GOLGA3: variants seen among roughly 807,000 people sequenced by gnomAD.
The protein encoded by GOLGA3 is golgin A3.
Under a neutral mutation model 169.4 loss-of-function variants are expected in GOLGA3, and 75 were observed. The ratio of observed to expected loss-of-function variants is 0.44; its 90% CI spans 0.37 to 0.54. GOLGA3 has a LOEUF of 0.54. GOLGA3 is among the 20% of genes least tolerant of loss of function. GOLGA3 has a pLI of 0.00. For synonymous variants in GOLGA3, 824 were observed against 822.4 expected, an observed-to-expected ratio of 1.00 and a Z score of -0.03; for missense variants, 1,899 against 1,930.0, an observed-to-expected ratio of 0.98 and a Z score of 0.30.
intron 7 of GOLGA3, among the ~76,000 whole-genome samples, chr12:132,803,346 A>G (rs1327986243): frequency 2.0e-5 from 3 of 152,194 alleles, no homozygotes; most frequent in African/African-American, 4.8e-5. Flanking sequence ...CACTTAGGAA[A>G]TCTGTGAAAA....
chr12:132,790,102 T>C (rs970157649), intron 12 of GOLGA3, among the ~76,000 whole-genome samples: 18 of 151,486 alleles, frequency 1.2e-4, no homozygotes, highest in Non-Finnish European at 1.0e-4. Flanking sequence ...GAGGCCAAGG[T>C]GGGCGGATCA....
intron 7 of GOLGA3, among the ~76,000 whole-genome samples, chr12:132,802,718 T>C (rs1323645205): frequency 2.0e-5 from 3 of 152,020 alleles, no homozygotes; most frequent in African/African-American, 4.8e-5. Flanking sequence ...ATGAAGTACA[T>C]CTTCTCCATG....
Position 132,804,583 on chromosome 12 carries a change from G to C in GOLGA3, c.1597+133C>G, listed in dbSNP as rs1949294875. Reference sequence around the variant, plus strand: ...AGGAAGGAGGGAGCAGCGGGGACCAGTCGAGGAAGGAGGAGGGAGCAGCAA... The same window carrying C: ...AGGAAGGAGGGAGCAGCGGGGACCACTCGAGGAAGGAGGAGGGAGCAGCAA... On this transcript the variant is annotated intron_variant, in intron 7 of 23. Transcript: ENST00000450791. The surrounding 1 kb of genome is among the most constrained non-coding windows in gnomAD (Gnocchi z 4.1). 2.8e-6 allele frequency: 2 copies of C among 725,248 alleles called. No homozygotes were observed. Among genetic ancestry groups the C allele is most frequent in the African/African-American group, 3.5e-5 (2 of 57,146 alleles). 44.9% of individuals were successfully genotyped at this position (725,248 alleles called of 1,614,324 possible).
rs374698282 is a variant in GOLGA3, at chr12:132,804,813, C to T, written c.1500G>A (p.Ser500=). 3.2e-5 allele frequency: 51 copies of T among 1,614,082 alleles called. No homozygotes were observed. The highest frequency in any genetic ancestry group is 8.3e-5 in the Admixed American group (5 of 60,002). The change falls in exon 7 of 24, where the codon TCG becomes TCA. Residue 500 remains serine (S), a synonymous_variant. Coordinates refer to ENST00000450791, the MANE Select transcript of GOLGA3 (RefSeq NM_001389683.1). This position sits in a 1 kb window ranked among gnomAD's most constrained non-coding sequence, Gnocchi z 4.1. The stretch of plus-strand genomic sequence containing the variant: ...CGGCCACCTGCAAGTCGTTGTTGGA[C>T]GACGCCAGGCTGGCATTTTTTGCCT... ...MLEAKNASLA[S]SNNDLQVAEE...
rs1426304480 is a variant in GOLGA3, at chr12:132,776,836, G to C, written c.3856-80C>G. On this transcript the variant is annotated intron_variant, in intron 20 of 23. Transcript: ENST00000450791. ...TGGAAAATGGCTCTAGCTGTGTTTT[G>C]GTTTATCTTTTAATACCATATTCAG... 1.9e-6 allele frequency: 3 copies of C among 1,570,972 alleles called. No individual in the cohort carries two copies. The African/African-American group carries it at 4.1e-5, about 21-fold the overall frequency.
At chr12:132,774,446 C>A in intron 22 of GOLGA3, 126 bp from the exon 23 acceptor site, 1 of 1,060,984 alleles carries the variant, frequency 9.4e-7, no homozygotes, top group Non-Finnish European at 1.4e-6. Context: ...AGGGGACCGT[C>A]CTGGCCGCCG....
At chr12:132,806,983 T>C (rs1182016461) in intron 6 of GOLGA3, among the ~76,000 whole-genome samples, 194 bp downstream of exon 6, 1 of 151,788 alleles carries the variant, frequency 6.6e-6, no homozygotes, top group Non-Finnish European at 1.5e-5. Flanking sequence ...CCATGCACGA[T>C]GAGGCAGAAA....
At chr12:132,780,013 G>A (rs541963745) in intron 18 of GOLGA3, among the ~76,000 whole-genome samples, 39 of 129,938 alleles carry the variant, frequency 3.0e-4, no homozygotes, top group African/African-American at 8.8e-4. Flanking sequence ...ACACACGTGC[G>A]CACACACACC....
intron 2 of GOLGA3, among the ~76,000 whole-genome samples, chr12:132,819,304 T>C (rs1358478858): frequency 8.0e-5 from 12 of 149,864 alleles, no homozygotes; most frequent in Admixed American, 7.3e-4. Flanking sequence ...CTGAGGCAGG[T>C]GGATCACGAG....
rs1593413290 is a variant in GOLGA3, at chr12:132,825,671, G to C, written c.-184+3132C>G. The C allele has an allele frequency of 3.2e-6, 3 of 939,548 alleles. No individual in the cohort carries two copies. In the East Asian group the frequency reaches 7.2e-5, roughly 22 times the overall value. The allele number at this position is 939,548 out of a possible 1,614,324, so 58.2% of individuals were successfully genotyped here. ...AGGGAGTCCAGGGAGTTAGAAACTG[G>C]AAGAGCACCTTTTTTCAGTGGCCGG... On this transcript the variant is annotated intron_variant, in intron 1 of 23. Transcript: ENST00000450791.
At chr12:132,791,428 A>T (rs2046226233) in intron 11 of GOLGA3, 135 bp from the exon 12 acceptor site, 2 of 587,062 alleles carry the variant, frequency 3.4e-6, no homozygotes, top group African/African-American at 1.9e-5. Context: ...GAGGGGACAC[A>T]TCCTCACAGA....
At chr12:132,783,355 A>T (rs955789250) in intron 16 of GOLGA3, among the ~76,000 whole-genome samples, 3 of 152,174 alleles carry the variant, frequency 2.0e-5, no homozygotes, top group Non-Finnish European at 4.4e-5. Flanking sequence ...TCCTGGGGCC[A>T]TGGGCTTCTG....
chr12:132,800,482 A>C (rs1260468526), intron 8 of GOLGA3, among the ~76,000 whole-genome samples: 1 of 152,244 alleles, frequency 6.6e-6, no homozygotes, highest in Non-Finnish European at 1.5e-5. Context: ...AGACAGAGCA[A>C]GACTCCATCT....
intron 6 of GOLGA3, 49 bp downstream of exon 6, chr12:132,807,126 CAT>C (rs991315527): frequency 1.8e-6 from 2 of 1,100,700 alleles, no homozygotes; most frequent in African/African-American, 1.5e-5. Flanking sequence ...AGGAGCCACA[CAT>C]GCTTTCCGAC....
At chr12:132,786,659 C>A in intron 14 of GOLGA3, 34 bp downstream of exon 14, 1 of 1,110,038 alleles carries the variant, frequency 9.0e-7, no homozygotes, top group Non-Finnish European at 1.3e-6. Flanking sequence ...TCCCACCTGG[C>A]CCCCGCACCT....
At chr12:132,788,462 C>T (rs562787542) in intron 13 of GOLGA3, among the ~76,000 whole-genome samples, 3 of 152,312 alleles carry the variant, frequency 2.0e-5, no homozygotes, top group African/African-American at 7.2e-5. Flanking sequence ...CGCCTCTACC[C>T]CTCACCTGCT....
chr12:132,812,192 T>TAC (rs140337948), intron 4 of GOLGA3, among the ~76,000 whole-genome samples: 1,487 of 135,036 alleles, frequency 0.011, 19 homozygotes, highest in African/African-American at 0.037. Context: ...TGTCTCAAAA[T>TAC]ACACACACAC....
chr12:132,827,616 T>C (rs1289949176), intron 1 of GOLGA3: 2 of 152,216 alleles, frequency 1.3e-5, no homozygotes, highest in Non-Finnish European at 2.9e-5. Flanking sequence ...CTTGGGAAAG[T>C]ATGCTACTTC....
In GOLGA3 at chr12:132,798,217, C is replaced by T. The variant is rs1453453881; in HGVS notation, c.1938+123G>A. 2.5e-5 allele frequency: 24 copies of T among 957,042 alleles called. No individual in the cohort carries two copies. The Admixed American group carries it at 6.4e-4, about 26-fold the overall frequency. The allele number at this position is 957,042 out of a possible 1,614,324, so 59.3% of individuals were successfully genotyped here. A position where few individuals can be genotyped will look rare whatever the true frequency, so the allele number is the denominator to read the frequency against. On this transcript the variant is annotated intron_variant, in intron 9 of 23. Coordinates refer to ENST00000450791, the MANE Select transcript of GOLGA3 (RefSeq NM_001389683.1). ...CCAAAGCCTTAACGAGCAGTCACTG[C>T]CCGCCATCCATGAGAATATTTAAGA...
Sources: gnomAD v4.1 joint callset for allele counts (sites outside exome capture counted in the v4.1 genomes callset) on GRCh38, gnomAD v4.1.1 for gene constraint, Gnocchi (gnomAD v3.1) non-coding constraint, MANE v1.5 for transcripts, NCBI Gene and HGNC (gene_info 2026-07-23, HGNC 2026-07-21) for gene names.